The following SYT16 variants were observed in gnomAD, a reference collection of about 807,000 sequenced individuals.
SYT16 encodes the protein synaptotagmin 16, also known as synaptotagmin-16.
Under a neutral mutation model 61.4 loss-of-function variants are expected in SYT16, and 42 were observed. That is an observed-to-expected ratio of 0.68 (90% CI 0.53 to 0.89). SYT16 has a LOEUF of 0.89. SYT16 is among the 40% of genes least tolerant of loss of function. SYT16 has a pLI of 0.00. For missense variants in SYT16, 804 were observed against 807.3 expected (o/e 1.00, Z 0.05); for synonymous variants, 314 against 302.3 (o/e 1.04, Z -0.40).
chr14:61,896,903 G>A (rs1478212744), intron 1 of SYT16, among the ~76,000 whole-genome samples: 2 of 152,102 alleles, frequency 1.3e-5, no homozygotes, highest in Admixed American at 1.3e-4. Context: ...TATTACTTGG[G>A]ACCAGAATTA....
intron 1 of SYT16, among the ~76,000 whole-genome samples, chr14:61,894,410 T>G (rs2048255231): frequency 6.6e-6 from 1 of 152,058 alleles, no homozygotes; most frequent in Non-Finnish European, 1.5e-5. Flanking sequence ...CCGTCCTATC[T>G]GCAGCAACTG....
intron 1 of SYT16, among the ~76,000 whole-genome samples, chr14:61,911,823 C>A (rs187718273): frequency 1.3e-5 from 2 of 152,264 alleles, no homozygotes; most frequent in East Asian, 1.9e-4. Flanking sequence ...GCCAAGGGAA[C>A]CAGCTCCTCT....
chr14:61,975,414 A>T (rs1243791621), intron 2 of SYT16, among the ~76,000 whole-genome samples: 1 of 152,176 alleles, frequency 6.6e-6, no homozygotes, highest in Non-Finnish European at 1.5e-5. Flanking sequence ...GTAACTGCCT[A>T]AGACTGGGTA....
rs1480590919 is a variant in SYT16, at chr14:62,110,347, T to C, written c.*9640T>C. 1.3e-5 allele frequency: 2 copies of C among 152,088 alleles called. No homozygotes were observed. Among genetic ancestry groups the C allele is most frequent in the Admixed American group, 6.6e-5 (1 of 15,256 alleles). 9.4% of individuals were successfully genotyped at this position (152,088 alleles called of 1,614,324 possible). Reference sequence around the variant, plus strand: ...GGTTGTAGGAACAGGATTCATTCATTCCTTCATTAATATAATGAACACTTT... The same window carrying C: ...GGTTGTAGGAACAGGATTCATTCATCCCTTCATTAATATAATGAACACTTT... On this transcript the variant is annotated 3_prime_UTR_variant, in exon 8 of 8. Coordinates refer to ENST00000683842, the MANE Select transcript of SYT16 (RefSeq NM_001367656.1).
chr14:61,945,399 G>T (rs538997929), intron 1 of SYT16, among the ~76,000 whole-genome samples: 1 of 152,250 alleles, frequency 6.6e-6, no homozygotes, highest in African/African-American at 2.4e-5. Context: ...ATACCCAAAG[G>T]ATTATAAATC....
chr14:62,045,318 G>A (rs2054925198), intron 3 of SYT16, among the ~76,000 whole-genome samples: 1 of 152,034 alleles, frequency 6.6e-6, no homozygotes, highest in Non-Finnish European at 1.5e-5. Context: ...CTATAAAAGA[G>A]CAGTCACCTA....
At chr14:61,836,994 A>G (rs957556105) in intron 1 of SYT16, among the ~76,000 whole-genome samples, 2 of 152,164 alleles carry the variant, frequency 1.3e-5, no homozygotes, top group Non-Finnish European at 2.9e-5. Context: ...AGGAGGAGCA[A>G]GGGAAGTGAT....
At chr14:61,996,570 G>A (rs887969321) in intron 3 of SYT16, 28 bp downstream of exon 3, 2 of 1,556,322 alleles carry the variant, frequency 1.3e-6, no homozygotes, top group African/African-American at 2.7e-5. Flanking sequence ...CATTTTCTCT[G>A]CGTTCCTCCA....
chr14:61,956,692 T>C (rs1161658219), intron 1 of SYT16, among the ~76,000 whole-genome samples: 1 of 152,080 alleles, frequency 6.6e-6, no homozygotes, highest in South Asian at 2.1e-4. Context: ...CCATGCTGTT[T>C]TGATGACTAT....
chr14:62,012,920 A>G (rs1002726538), intron 3 of SYT16, among the ~76,000 whole-genome samples: 4 of 152,218 alleles, frequency 2.6e-5, no homozygotes, highest in African/African-American at 9.6e-5. Context: ...ATGAGCTTTC[A>G]CACGGAAAGT....
chr14:62,029,454 C>G (rs888346818), intron 3 of SYT16, among the ~76,000 whole-genome samples: 5 of 152,174 alleles, frequency 3.3e-5, no homozygotes, highest in African/African-American at 1.2e-4. Context: ...GCGGTGCCCA[C>G]TGGTGGTTTT....
In SYT16 at chr14:61,996,437, A is replaced by T; in HGVS notation, c.418A>T (p.Ile140Phe). The change falls in exon 3 of 8, where the codon ATT becomes TTT. Residue 140 changes from isoleucine to phenylalanine, a missense_variant. By Grantham distance (21) the Ile-to-Phe change is conservative. Coordinates refer to ENST00000683842, the MANE Select transcript of SYT16 (RefSeq NM_001367656.1). ...CAAGTTACCACATGTGCTTTCTTCT[A>T]TTGCGGAGGAAGAGCATCACCTTGA... ...DRKLPHVLSS[I>F]AEEEHHLEKQ... is the part of the protein sequence containing the mutation. The T allele has an allele frequency of 1.9e-6, 3 of 1,613,432 alleles. No individual in the cohort carries two copies. Among genetic ancestry groups the T allele is most frequent in the Non-Finnish European group, 2.5e-6 (3 of 1,179,540 alleles).
chr14:62,048,205 G>C (rs1163344372), intron 3 of SYT16, among the ~76,000 whole-genome samples: 1 of 152,200 alleles, frequency 6.6e-6, no homozygotes, highest in Non-Finnish European at 1.5e-5. Context: ...TTAGTCTTGG[G>C]AGGGTGTATG....
chr14:61,918,767 C>G (rs2049217392), intron 1 of SYT16, among the ~76,000 whole-genome samples: 1 of 151,644 alleles, frequency 6.6e-6, no homozygotes, highest in South Asian at 2.1e-4. Context: ...CCTTCTTTTT[C>G]TTGTTTGTGT....
chr14:62,072,412 G>T (rs1163145250), intron 4 of SYT16, among the ~76,000 whole-genome samples: 1 of 152,146 alleles, frequency 6.6e-6, no homozygotes, highest in African/African-American at 2.4e-5. Context: ...TACCCCAAGA[G>T]ATTCATTGCA....
At chr14:61,854,457 T>C (rs2046714949) in intron 1 of SYT16, among the ~76,000 whole-genome samples, 1 of 152,272 alleles carries the variant, frequency 6.6e-6, no homozygotes. Flanking sequence ...CACATGCTTA[T>C]ACCTCTCTCG....
intron 1 of SYT16, among the ~76,000 whole-genome samples, chr14:61,956,395 T>C (rs1017934202): frequency 2.0e-5 from 3 of 151,998 alleles, no homozygotes; most frequent in African/African-American, 4.8e-5. Flanking sequence ...GTTTAGCAGC[T>C]TTTAAAACTA....
At chr14:61,901,848 A>G (rs2048533874) in intron 1 of SYT16, among the ~76,000 whole-genome samples, 1 of 151,188 alleles carries the variant, frequency 6.6e-6, no homozygotes, top group African/African-American at 2.4e-5. Context: ...TGCAACCTCC[A>G]CCTCCTGGGT....
At chr14:62,028,182 A>G (rs1253523662) in intron 3 of SYT16, among the ~76,000 whole-genome samples, 3 of 152,150 alleles carry the variant, frequency 2.0e-5, no homozygotes, top group South Asian at 2.1e-4. Context: ...TTTGGCTTCT[A>G]CCTTCAATTG....
Sources: allele counts gnomAD v4.1 joint callset (sites outside exome capture counted in the v4.1 genomes callset), GRCh38; gene constraint gnomAD v4.1.1; transcripts MANE v1.5; gene names NCBI Gene and HGNC (gene_info 2026-07-23, HGNC 2026-07-21).